LYPD6: variants seen among roughly 807,000 people sequenced by gnomAD.
LYPD6 encodes LY6/PLAUR domain containing 6.
LYPD6 carries 15 observed loss-of-function variants against 22.7 expected under a neutral mutation model. That is an observed-to-expected ratio of 0.66 (90% confidence interval 0.44 to 1.02). The LOEUF (loss-of-function observed/expected upper bound fraction) is 1.02, where lower values mean the gene tolerates loss of function less well. Among genes scored for constraint, LYPD6 ranks in the 50% least tolerant of loss-of-function variants. LYPD6 has a pLI of 0.00. For synonymous variants in LYPD6, 72 were observed against 77.5 expected (o/e 0.93, Z 0.37); for missense variants, 189 against 208.4 (o/e 0.91, Z 0.57).
intron 1 of LYPD6, among the ~76,000 whole-genome samples, chr2:149,405,521 T>C (rs1243936830): frequency 6.6e-6 from 1 of 152,260 alleles, no homozygotes; most frequent in Non-Finnish European, 1.5e-5. Context: ...TTTATTTGCA[T>C]AGAGGTGTTT....
Position 149,337,957 on chromosome 2 carries a change from G to A in LYPD6, c.-72+7235G>A, listed in dbSNP as rs185243595. 1.1e-4 allele frequency among the ~76,000 whole-genome samples: 17 copies of A among 152,258 alleles called. No homozygotes were observed. The East Asian group carries it at 1.9e-3, about 17-fold the overall frequency. ...CTTCATCCATGTTGCTGCAAAGTACGTGATCTCATTTTTATGGCTGCATAG... is the reference window on the plus strand; with the variant it reads ...CTTCATCCATGTTGCTGCAAAGTACATGATCTCATTTTTATGGCTGCATAG... On this transcript the variant is annotated intron_variant, in intron 1 of 4. Transcript: ENST00000334166.
At chr2:149,464,680 G>GCTTTTGT (rs1681163082) in intron 3 of LYPD6, among the ~76,000 whole-genome samples, 1 of 152,080 alleles carries the variant, frequency 6.6e-6, no homozygotes, top group Non-Finnish European at 1.5e-5. Context: ...ACAATTAGGT[G>GCTTTTGT]GCATTCATGC....
chr2:149,441,300 A>C (rs552111136), intron 2 of LYPD6, among the ~76,000 whole-genome samples: 3 of 152,352 alleles, frequency 2.0e-5, no homozygotes, highest in Admixed American at 2.0e-4. Context: ...ACATTTCATT[A>C]ATGTTACAAT....
At chr2:149,414,660 A>G (rs888823440) in intron 1 of LYPD6, among the ~76,000 whole-genome samples, 2 of 152,232 alleles carry the variant, frequency 1.3e-5, no homozygotes, top group African/African-American at 2.4e-5. Context: ...TTGAATTCTC[A>G]GAAAATACTT....
intron 3 of LYPD6, among the ~76,000 whole-genome samples, chr2:149,467,114 A>G (rs1272344317): frequency 6.6e-6 from 1 of 152,210 alleles, no homozygotes; most frequent in Non-Finnish European, 1.5e-5. Flanking sequence ...ATGTTAAGAT[A>G]GTTTAGGGCT....
intron 1 of LYPD6, among the ~76,000 whole-genome samples, chr2:149,368,808 A>G (rs988261258): frequency 6.6e-6 from 1 of 152,152 alleles, no homozygotes; most frequent in Non-Finnish European, 1.5e-5. Flanking sequence ...ATGCAGAATC[A>G]TCAAGACAGG....
chr2:149,476,035 T>C (rs1681445934), downstream of LYPD6, among the ~76,000 whole-genome samples: 1 of 152,186 alleles, frequency 6.6e-6, no homozygotes, highest in Non-Finnish European at 1.5e-5. Flanking sequence ...AAACATCTAG[T>C]CTACCTGCTT....
chr2:149,364,662 G>A (rs1681628389), intron 1 of LYPD6, among the ~76,000 whole-genome samples: 1 of 148,752 alleles, frequency 6.7e-6, no homozygotes, highest in Non-Finnish European at 1.5e-5. Flanking sequence ...CTCTCTCATT[G>A]TTTCCCTGGG....
At chr2:149,352,886 G>A (rs1681384403) in intron 1 of LYPD6, among the ~76,000 whole-genome samples, 1 of 152,298 alleles carries the variant, frequency 6.6e-6, no homozygotes, top group Middle Eastern at 3.4e-3. Context: ...GTCTGAAGAA[G>A]GTTTCTTGCA....
chr2:149,454,427 C>T (rs1471767863), intron 3 of LYPD6, among the ~76,000 whole-genome samples: 3 of 152,100 alleles, frequency 2.0e-5, no homozygotes, highest in Admixed American at 6.5e-5. Context: ...CATGTCTTTT[C>T]GAGCAACAAA....
At chr2:149,467,092 G>A (rs1681217708) in intron 3 of LYPD6, among the ~76,000 whole-genome samples, 2 of 152,196 alleles carry the variant, frequency 1.3e-5, no homozygotes, top group Admixed American at 1.3e-4. Context: ...CAACAGAAAA[G>A]CAATCACTCC....
At chr2:149,348,746 G>C (rs1331002969) in intron 1 of LYPD6, among the ~76,000 whole-genome samples, 1 of 152,184 alleles carries the variant, frequency 6.6e-6, no homozygotes, top group African/African-American at 2.4e-5. Context: ...ACTGAGGAAT[G>C]ACCTGATTAA....
In LYPD6 at chr2:149,472,973, G is replaced by A. The variant is rs1681376924; in HGVS notation, c.*2123G>A. 2 of 152,590 alleles carry A rather than the reference G, an allele frequency of 1.3e-5. No individual in the cohort carries two copies. Among genetic ancestry groups the A allele is most frequent in the East Asian group, 3.9e-4 (2 of 5,188 alleles). 9.5% of individuals were successfully genotyped at this position (152,590 alleles called of 1,614,324 possible). On this transcript the variant is annotated 3_prime_UTR_variant, in exon 5 of 5. Transcript: ENST00000334166. The stretch of plus-strand genomic sequence containing the variant: ...AGGATGCTATTTGCATGTGTCCCCA[G>A]GTGATGTTTTTTCTTTGGGGAGTAG...
chr2:149,340,888 T>C (rs2463183), intron 1 of LYPD6, among the ~76,000 whole-genome samples: 42,756 of 151,986 alleles, frequency 0.28, 6,662 homozygotes, highest in East Asian at 0.61. Flanking sequence ...CCAGAATATA[T>C]TTTCTTGCTA....
intron 1 of LYPD6, among the ~76,000 whole-genome samples, chr2:149,338,244 T>C (rs1307813720): frequency 6.6e-6 from 1 of 152,230 alleles, no homozygotes; most frequent in Non-Finnish European, 1.5e-5. Context: ...CTTTCCACAG[T>C]GGCTGATCTA....
chr2:149,330,353 C>G (rs939364002), upstream of LYPD6: 3 of 151,700 alleles, frequency 2.0e-5, no homozygotes, highest in African/African-American at 7.2e-5. Context: ...GGTCGGCTCC[C>G]GCTGGCCGGA....
intron 1 of LYPD6, among the ~76,000 whole-genome samples, chr2:149,377,460 C>T (rs1276918672): frequency 6.6e-6 from 1 of 152,138 alleles, no homozygotes; most frequent in African/African-American, 2.4e-5. Flanking sequence ...CAGTGGCTCT[C>T]ACAGGCCCGG....
intron 1 of LYPD6, among the ~76,000 whole-genome samples, chr2:149,373,997 C>G (rs1681865307): frequency 6.6e-6 from 1 of 152,044 alleles, no homozygotes; most frequent in South Asian, 2.1e-4. Flanking sequence ...ATTCCTGCCC[C>G]CATGCAGGAA....
chr2:149,467,639 T>G (rs562002020), intron 3 of LYPD6, among the ~76,000 whole-genome samples: 43 of 152,310 alleles, frequency 2.8e-4, no homozygotes, highest in South Asian at 6.2e-4. Context: ...TAATTCCATA[T>G]TAGCCACTAA....
Sources: allele counts gnomAD v4.1 joint callset (sites outside exome capture counted in the v4.1 genomes callset), GRCh38; gene constraint gnomAD v4.1.1; transcripts MANE v1.5; gene names NCBI Gene and HGNC (gene_info 2026-07-23, HGNC 2026-07-21).